The following MYO1C variants were observed in gnomAD, a reference collection of about 807,000 sequenced individuals.
MYO1C encodes the protein unconventional myosin-Ic.
MYO1C carries 104 observed loss-of-function variants against 150.8 expected under a neutral mutation model. The ratio of observed to expected loss-of-function variants is 0.69; its 90% CI spans 0.59 to 0.81. MYO1C has a LOEUF of 0.81. MYO1C is among the 30% of genes least tolerant of loss of function. The probability of loss-of-function intolerance (pLI) is 0.00; values close to 1 mark genes in which losing one functional copy is unlikely to be tolerated. For missense variants in MYO1C, 1,504 were observed against 1,435.0 expected (o/e 1.05, Z -0.78); for synonymous variants, 663 against 579.9 (o/e 1.14, Z -2.06).
At chr17:1,485,636 G>T in intron 1 of MYO1C, 1 of 1,163,334 alleles carries the variant, frequency 8.6e-7, no homozygotes, top group Non-Finnish European at 1.1e-6. Flanking sequence ...AGGCGACGCC[G>T]CGAGGTGGGG....
At chr17:1,480,916 C>G (rs1255265524) in intron 5 of MYO1C, 31 bp from the exon 6 acceptor site, 5 of 1,611,224 alleles carry the variant, frequency 3.1e-6, no homozygotes, top group Non-Finnish European at 4.2e-6. Flanking sequence ...GAGGCCGGGT[C>G]ACGGGGACTG....
rs1393007805 is a variant in MYO1C, at chr17:1,472,243, G to A, written c.1798-15C>T. Reference sequence around the variant, plus strand: ...TGGGTGGCGACCTGGCGAGCCAAGAGGCATGGGAGGTTGGCCGGAGCTGGG... The same window carrying A: ...TGGGTGGCGACCTGGCGAGCCAAGAAGCATGGGAGGTTGGCCGGAGCTGGG... On this transcript the variant is annotated splice_polypyrimidine_tract_variant and intron_variant, in intron 17 of 31. Transcript: ENST00000648651. 1.2e-6 allele frequency: 2 copies of A among 1,612,520 alleles called. No individual in the cohort carries two copies. The highest frequency in any genetic ancestry group is 3.3e-5 in the Admixed American group (2 of 60,016).
intron 31 of MYO1C, among the ~76,000 whole-genome samples, chr17:1,466,644 A>G (rs1466252855): frequency 1.1e-5 from 1 of 90,900 alleles, no homozygotes; most frequent in Non-Finnish European, 2.1e-5. Context: ...TTTTTTTTTG[A>G]GATGACATCT....
In MYO1C at chr17:1,483,533, G is replaced by C. The variant is rs45512993; in HGVS notation, c.347+77C>G. 5.1e-3 allele frequency: 5,348 copies of C among 1,046,026 alleles called. 206 individuals are homozygous for C. In the African/African-American group the frequency reaches 0.073, roughly 14 times the overall value. 64.8% of individuals were successfully genotyped at this position (1,046,026 alleles called of 1,614,324 possible). A position where few individuals can be genotyped will look rare whatever the true frequency, so the allele number is the denominator to read the frequency against. ...GGCGCGGGACGCCAGGATCATTTCA[G>C]AGTAAGGTAAGGGTTGGGCGGGGTC... On this transcript the variant is annotated intron_variant, in intron 3 of 31. Transcript: ENST00000648651.
chr17:1,486,511 CT>C (rs1030558797), intron 1 of MYO1C, among the ~76,000 whole-genome samples: 18 of 126,964 alleles, frequency 1.4e-4, no homozygotes, highest in African/African-American at 6.1e-4. Context: ...TCCCTCCCTC[CT>C]TTTTTTTTCT....
In MYO1C at chr17:1,473,827, C is replaced by T. The variant is rs75644107; in HGVS notation, c.1797+783G>A. ...CAAGTCATCTCCAATGCTTCCTCCT[C>T]CAGGGAGCCTCCCCAACCCCTCACC... On this transcript the variant is annotated intron_variant, in intron 17 of 31. Transcript: ENST00000648651. Among the ~76,000 whole-genome samples the T allele has an allele frequency of 9.9e-3, 1,510 of 152,248 alleles. 29 individuals carry two copies. The highest frequency in any genetic ancestry group is 0.034 in the African/African-American group (1,424 of 41,532).
chr17:1,482,378 G>A, intron 5 of MYO1C, 100 bp downstream of exon 5: 1 of 1,089,992 alleles, frequency 9.2e-7, no homozygotes, highest in Admixed American at 1.7e-5. Flanking sequence ...TTTGACTGCT[G>A]GAATTGCAGC....
intron 31 of MYO1C, among the ~76,000 whole-genome samples, chr17:1,466,843 T>G (rs2074182168): frequency 6.6e-6 from 1 of 152,082 alleles, no homozygotes; most frequent in African/African-American, 2.4e-5. Flanking sequence ...GCCAGGCTGG[T>G]CTCGAACTCC....
chr17:1,483,578 G>A, intron 3 of MYO1C, 32 bp downstream of exon 3: 3 of 1,518,228 alleles, frequency 2.0e-6, no homozygotes, highest in Admixed American at 1.9e-5. Flanking sequence ...GGAGACAGAG[G>A]GGTCGCTCCC....
chr17:1,479,467 G>A lies in MYO1C; in HGVS notation c.1056C>T (p.Ala352=), dbSNP rs368647002. 6.6e-6 allele frequency: 10 copies of A among 1,517,518 alleles called. No individual in the cohort carries two copies. The highest frequency in any genetic ancestry group is 1.9e-5 in the Admixed American group (1 of 51,868). The allele number at this position is 1,517,518 out of a possible 1,614,324, so 94.0% of individuals were successfully genotyped here. The change falls in exon 9 of 32, where the codon GCC becomes GCT. Residue 352 remains alanine, a synonymous_variant. Transcript: ENST00000648651. This position sits in a 1 kb window ranked among gnomAD's most constrained non-coding sequence, Gnocchi z 4.2. ...TGGCGATGATCTTCCTGTGTGTCAG[G>A]GCTTCTCGCAGCGTCGAGCCTTCCA... is the stretch of plus-strand genomic sequence containing the variant. ...LSVEGSTLRE[A]LTHRKIIAKG...
At position 1,471,039 on chromosome 17, in the gene MYO1C, C is replaced by T. The variant is rs547039118; in HGVS notation, c.2212+32G>A. The T allele has an allele frequency of 4.7e-4, 753 of 1,606,222 alleles. 13 individuals are homozygous for T. The South Asian group carries it at 7.7e-3, about 16-fold the overall frequency. On this transcript the variant is annotated intron_variant, in intron 21 of 31. Coordinates refer to ENST00000648651, the MANE Select transcript of MYO1C (RefSeq NM_001080779.2). ...CTTCCCTGCTTCCCAGAAGGGACCC[C>T]GTGCAGCAGGAAGGGTAGGCCTCTC...
chr17:1,478,682 G>C lies in MYO1C; in HGVS notation c.1146C>G (p.Ala382=). 1 of 1,614,160 alleles carries C rather than the reference G, an allele frequency of 6.2e-7. No homozygotes were observed. The highest frequency in any genetic ancestry group is 8.5e-7 in the Non-Finnish European group (1 of 1,180,042). ...EQAAYARDAL[A]KAVYSRTFTW... ...TAAAAGTGCGGCTGTACACAGCCTT[G>C]GCGAGGGCGTCTCGTGCGTACGCGG... Residue 382 remains alanine (A), a synonymous_variant, in exon 10 of 32, where the codon GCC becomes GCG. Coordinates refer to ENST00000648651, the MANE Select transcript of MYO1C (RefSeq NM_001080779.2). The surrounding 1 kb of genome is among the most constrained non-coding windows in gnomAD (Gnocchi z 6.3).
At chr17:1,492,293 G>A (rs1407803858) in intron 1 of MYO1C, 120 bp downstream of exon 1, 43 of 984,394 alleles carry the variant, frequency 4.4e-5, no homozygotes, top group Non-Finnish European at 6.5e-5. Flanking sequence ...TTCTGGCCCC[G>A]CCAAGGATCG....
intron 7 of MYO1C, 82 bp downstream of exon 7, chr17:1,480,445 T>C (rs1383154214): frequency 7.3e-6 from 9 of 1,230,762 alleles, no homozygotes; most frequent in Non-Finnish European, 1.1e-5. Flanking sequence ...TGAAACTCCG[T>C]CTCAAAAAAT....
At chr17:1,483,124 C>T in intron 3 of MYO1C, 65 bp from the exon 4 acceptor site, 1 of 1,470,784 alleles carries the variant, frequency 6.8e-7, no homozygotes, top group South Asian at 1.3e-5. Flanking sequence ...GAGAGTCCCG[C>T]TCCCACATCT....
chr17:1,473,272 G>A (rs981476727), intron 17 of MYO1C, among the ~76,000 whole-genome samples: 20 of 152,126 alleles, frequency 1.3e-4, no homozygotes, highest in Non-Finnish European at 2.4e-4. Flanking sequence ...CAAAGAAGGA[G>A]AAAGCCTGGA....
intron 17 of MYO1C, among the ~76,000 whole-genome samples, chr17:1,474,167 C>T (rs1386228468): frequency 1.3e-5 from 2 of 152,180 alleles, no homozygotes; most frequent in East Asian, 1.9e-4. Flanking sequence ...TGGCTCACAC[C>T]GGTAATCCTA....
chr17:1,485,436 C>T, intron 1 of MYO1C: 1 of 835,840 alleles, frequency 1.2e-6, no homozygotes, highest in South Asian at 4.9e-5. Context: ...CAAATCCGGC[C>T]GCGGTCCCCG....
chr17:1,483,278 G>C (rs566120043), intron 3 of MYO1C, among the ~76,000 whole-genome samples: 2 of 152,202 alleles, frequency 1.3e-5, no homozygotes, highest in African/African-American at 4.8e-5. Flanking sequence ...TCACAGGTGG[G>C]AGGCTGGAGG....
Sources: gnomAD v4.1 joint callset for allele counts (sites outside exome capture counted in the v4.1 genomes callset) on GRCh38, gnomAD v4.1.1 for gene constraint, Gnocchi (gnomAD v3.1) non-coding constraint, MANE v1.5 for transcripts, NCBI Gene and HGNC (gene_info 2026-07-23, HGNC 2026-07-21) for gene names.